ZFP1: variants seen among roughly 807,000 people sequenced by gnomAD.
The protein encoded by ZFP1 is ZFP1 zinc finger protein, also known as zinc finger protein 1 homolog.
A neutral mutation model predicts 38.5 loss-of-function variants in ZFP1; 32 were observed. The observed-to-expected ratio is 0.83, with a 90% CI of 0.63 to 1.12. The LOEUF (loss-of-function observed/expected upper bound fraction) is 1.12. Ranked by LOEUF, ZFP1 falls within the 50% of genes most tolerant of loss-of-function variation. ZFP1 has a pLI of 0.00. For synonymous variants in ZFP1, 245 were observed against 168.8 expected, an observed-to-expected ratio of 1.45 and a Z score of -3.50; for missense variants, 616 against 480.8, an observed-to-expected ratio of 1.28 and a Z score of -2.63.
At chr16:75,164,949 G>A (rs1160161038) in intron 2 of ZFP1, among the ~76,000 whole-genome samples, 1 of 152,092 alleles carries the variant, frequency 6.6e-6, no homozygotes, top group Non-Finnish European at 1.5e-5. Context: ...GGGATTACAG[G>A]CATGCACTAC....
At chr16:75,159,983 C>T (rs568964417) in intron 2 of ZFP1, among the ~76,000 whole-genome samples, 1 of 152,272 alleles carries the variant, frequency 6.6e-6, no homozygotes, top group African/African-American at 2.4e-5. Context: ...TGGATTCAGA[C>T]TGTCCCAGCT....
chr16:75,169,884 C>T lies in ZFP1; in HGVS notation c.774C>T (p.His258=), dbSNP rs1286393284. 1 of 1,614,158 alleles carries T rather than the reference C, an allele frequency of 6.2e-7. No homozygotes were observed. ...AFTHQSNLIV[H]QRAHMEKKPY... ...CCCACCAGTCAAACCTCATTGTACACCAGAGAGCACATATGGAGAAGAAGC... is the reference window on the plus strand; with the variant it reads ...CCCACCAGTCAAACCTCATTGTACATCAGAGAGCACATATGGAGAAGAAGC... Residue 258 remains histidine, a synonymous_variant, in exon 4 of 4, where the codon CAC becomes CAT. Transcript: ENST00000570010.
chr16:75,163,265 A>G (rs572829725), intron 2 of ZFP1, among the ~76,000 whole-genome samples: 1 of 151,504 alleles, frequency 6.6e-6, no homozygotes, highest in Non-Finnish European at 1.5e-5. Flanking sequence ...TCTCTATCAT[A>G]TGAGGATCTG....
At chr16:75,147,259 T>A (rs886123484), upstream of ZFP1, among the ~76,000 whole-genome samples, 2 of 152,070 alleles carry the variant, frequency 1.3e-5, no homozygotes, top group Non-Finnish European at 2.9e-5. Context: ...TAATGTAAGC[T>A]ATGGACTTTG....
At chr16:75,127,097 C>T in the ZFP1 span, among the ~76,000 whole-genome samples, 7 of 152,282 alleles carry the variant, frequency 4.6e-5, no homozygotes, top group African/African-American at 1.7e-4. Context: ...ATTTCCTTGC[C>T]AATTGTATCT....
chr16:75,133,797 C>G, the ZFP1 span, among the ~76,000 whole-genome samples: 8 of 152,178 alleles, frequency 5.3e-5, no homozygotes, highest in Admixed American at 4.6e-4. Flanking sequence ...GCCTGTAATC[C>G]CAGCACTTTG....
At chr16:75,126,565 G>A in the ZFP1 span, among the ~76,000 whole-genome samples, 3 of 152,062 alleles carry the variant, frequency 2.0e-5, no homozygotes, top group African/African-American at 7.2e-5. Context: ...CACTACACCA[G>A]GCTAATTTTT....
At position 75,169,776 on chromosome 16, in the gene ZFP1, C is replaced by G; in HGVS notation, c.666C>G (p.Ser222=). ...GCAATGTATGTAAGAAAACCTTCTC[C>G]CATAAGGCCAACCTCATCAAACATC... is the stretch of plus-strand genomic sequence containing the variant. ...YECNVCKKTF[S]HKANLIKHQR... The change falls in exon 4 of 4, where the codon TCC becomes TCG. Residue 222 remains serine (S), a synonymous_variant. Coordinates refer to ENST00000570010, the MANE Select transcript of ZFP1 (RefSeq NM_153688.4). 1.2e-6 allele frequency: 2 copies of G among 1,613,720 alleles called. No individual in the cohort carries two copies. The highest frequency in any genetic ancestry group is 2.2e-5 in the East Asian group (1 of 44,872).
At chr16:75,131,701 C>T in the ZFP1 span, among the ~76,000 whole-genome samples, 21 of 152,122 alleles carry the variant, frequency 1.4e-4, no homozygotes, top group African/African-American at 4.8e-4. Flanking sequence ...CAGCGGCTCA[C>T]GCCTGTAATC....
chr16:75,165,832 C>G (rs888444370), intron 2 of ZFP1, among the ~76,000 whole-genome samples: 5 of 152,002 alleles, frequency 3.3e-5, no homozygotes, highest in African/African-American at 1.2e-4. Flanking sequence ...ATTGTTTCCA[C>G]TGCCTCTGCT....
chr16:75,169,105 T>A (rs925844117), intron 3 of ZFP1, 148 bp from the exon 4 acceptor site: 24 of 1,105,764 alleles, frequency 2.2e-5, no homozygotes, highest in Non-Finnish European at 2.8e-5. Flanking sequence ...AAAGGAAACA[T>A]TTGCACTGGG....
At chr16:75,133,736 A>G in the ZFP1 span, among the ~76,000 whole-genome samples, 1 of 152,212 alleles carries the variant, frequency 6.6e-6, no homozygotes, top group African/African-American at 2.4e-5. Context: ...TTGTGTGTCC[A>G]TGTACATTTT....
intron 2 of ZFP1, among the ~76,000 whole-genome samples, chr16:75,164,990 A>G (rs533047447): frequency 1.3e-5 from 2 of 152,036 alleles, no homozygotes; most frequent in Non-Finnish European, 2.9e-5. Context: ...TTTTTAGTAG[A>G]GACGGGGTTT....
intron 2 of ZFP1, among the ~76,000 whole-genome samples, chr16:75,163,509 A>T (rs1019062804): frequency 6.7e-6 from 1 of 150,238 alleles, no homozygotes; most frequent in Non-Finnish European, 1.5e-5. Flanking sequence ...ACGGGGTTTC[A>T]CCATGTTGTC....
At position 75,166,896 on chromosome 16, in the gene ZFP1, G is replaced by C. The variant is rs1374771285; in HGVS notation, c.142G>C (p.Glu48Gln). Residue 48 changes from glutamate (E) to glutamine (Q), a missense_variant and splice_region_variant, in exon 3 of 4, where the codon GAA becomes CAA. Physicochemically the swap from Glu to Gln is conservative, Grantham distance 29. Coordinates refer to ENST00000570010, the MANE Select transcript of ZFP1 (RefSeq NM_153688.4). ...LENYSNLLSV[E>Q]VWKADDQMER... Reference sequence around the variant, plus strand: ...GAATTATAGCAACTTACTTTCAGTGGGTAAGGACGGTTTTCAGGTACAGCT... The same window carrying C: ...GAATTATAGCAACTTACTTTCAGTGCGTAAGGACGGTTTTCAGGTACAGCT... 6.2e-7 allele frequency: 1 copy of C among 1,613,140 alleles called. No homozygotes were observed.
the ZFP1 span, among the ~76,000 whole-genome samples, chr16:75,129,547 C>A: frequency 1.3e-5 from 2 of 152,132 alleles, no homozygotes; most frequent in Non-Finnish European, 2.9e-5. Context: ...CTAATAAGAA[C>A]CTCAAAAGAA....
chr16:75,149,561 T>TTTG (rs2037077630), intron 1 of ZFP1, among the ~76,000 whole-genome samples: 1 of 138,262 alleles, frequency 7.2e-6, no homozygotes, highest in Non-Finnish European at 1.6e-5. Flanking sequence ...TACTTTCTTT[T>TTTG]TTTTTTTTTT....
chr16:75,166,606 C>T lies in ZFP1; in HGVS notation c.16-164C>T, dbSNP rs187094804. On this transcript the variant is annotated intron_variant, in intron 2 of 3. Coordinates refer to ENST00000570010, the MANE Select transcript of ZFP1 (RefSeq NM_153688.4). ...ATAGGGGAATCTGAATAAATCTCAA[C>T]TATTTATAAAAATATATTTTGGAAG... is the stretch of plus-strand genomic sequence containing the variant. 9.1e-6 allele frequency: 9 copies of T among 984,876 alleles called. No homozygotes were observed. The East Asian group carries it at 5.7e-4, about 62-fold the overall frequency. 61.0% of individuals were successfully genotyped at this position (984,876 alleles called of 1,614,324 possible).
intron 2 of ZFP1, among the ~76,000 whole-genome samples, chr16:75,165,930 A>C (rs758367868): frequency 2.6e-5 from 4 of 152,102 alleles, no homozygotes; most frequent in Non-Finnish European, 4.4e-5. Flanking sequence ...ATTTCAGTTT[A>C]GATATTTACT....
Sources: gnomAD v4.1 joint callset for allele counts (sites outside exome capture counted in the v4.1 genomes callset) on GRCh38, gnomAD v4.1.1 for gene constraint, MANE v1.5 for transcripts, NCBI Gene and HGNC (gene_info 2026-07-23, HGNC 2026-07-21) for gene names.